Variants in FHIT observed in about 807,000 individuals in gnomAD.
FHIT encodes fragile histidine triad diadenosine triphosphatase, also known as bis(5'-adenosyl)-triphosphatase.
Under a neutral mutation model 17.9 loss-of-function variants are expected in FHIT, and 19 were observed. The ratio of observed to expected loss-of-function variants is 1.06; its 90% CI spans 0.74 to 1.56. The LOEUF is 1.56. Among genes scored for constraint, FHIT ranks in the 40% most tolerant of loss-of-function variants. The probability of loss-of-function intolerance (pLI) is 0.00; values close to 1 mark genes in which losing one functional copy is unlikely to be tolerated. For missense variants in FHIT, 248 were observed against 189.2 expected, an observed-to-expected ratio of 1.31 and a Z score of -1.82; for synonymous variants, 81 against 69.7, an observed-to-expected ratio of 1.16 and a Z score of -0.81.
chr3:60,233,286 T>G (rs74598195), intron 5 of FHIT, among the ~76,000 whole-genome samples: 2,841 of 152,296 alleles, frequency 0.019, 43 homozygotes, highest in Non-Finnish European at 0.025. Context: ...ATCCATGATT[T>G]TATCCAGTAC....
chr3:60,458,795 A>T (rs2032276447), intron 5 of FHIT, among the ~76,000 whole-genome samples: 1 of 152,050 alleles, frequency 6.6e-6, no homozygotes, highest in Admixed American at 6.6e-5. Context: ...ATTTTTAAAG[A>T]CATGGTCTCA....
chr3:60,459,338 AG>A (rs2032315751), intron 5 of FHIT, among the ~76,000 whole-genome samples: 2 of 152,242 alleles, frequency 1.3e-5, no homozygotes, highest in Admixed American at 1.3e-4. Context: ...GTATAAAGAT[AG>A]TATACACCAA....
intron 3 of FHIT, among the ~76,000 whole-genome samples, chr3:60,872,100 G>A (rs1222091233): frequency 1.3e-5 from 2 of 152,104 alleles, no homozygotes; most frequent in African/African-American, 4.8e-5. Flanking sequence ...GGAATTGCAT[G>A]TTTTGCCTGC....
chr3:60,089,944 T>TA (rs1191252809), intron 5 of FHIT, among the ~76,000 whole-genome samples: 4 of 152,164 alleles, frequency 2.6e-5, no homozygotes, highest in African/African-American at 9.7e-5. Context: ...ATATATGAAT[T>TA]AAAATGAATG....
intron 3 of FHIT, among the ~76,000 whole-genome samples, chr3:60,976,881 G>GT (rs75027281): frequency 0.039 from 5,698 of 145,524 alleles, 321 homozygotes; most frequent in African/African-American, 0.13. Flanking sequence ...CTGAATACTT[G>GT]TTTTTTTTTT....
intron 5 of FHIT, among the ~76,000 whole-genome samples, chr3:60,128,141 T>G (rs1490337710): frequency 1.3e-5 from 2 of 152,204 alleles, no homozygotes; most frequent in Non-Finnish European, 2.9e-5. Context: ...AAGATAAGTT[T>G]TACTTCAATA....
chr3:61,102,282 CA>C (rs1464984751), intron 2 of FHIT, among the ~76,000 whole-genome samples: 1 of 152,130 alleles, frequency 6.6e-6, no homozygotes, highest in South Asian at 2.1e-4. Flanking sequence ...TGAATTTTGT[CA>C]AAGACCTTTT....
chr3:60,246,227 G>C (rs1308629214), intron 5 of FHIT, among the ~76,000 whole-genome samples: 1 of 151,938 alleles, frequency 6.6e-6, no homozygotes, highest in African/African-American at 2.4e-5. Flanking sequence ...TTTTAGAACA[G>C]TTATACTAAA....
At chr3:60,498,097 A>G (rs114743070) in intron 5 of FHIT, among the ~76,000 whole-genome samples, 1,887 of 152,330 alleles carry the variant, frequency 0.012, 40 homozygotes, top group African/African-American at 0.043. Context: ...ATAAACCTTT[A>G]GTTACAGAAA....
chr3:60,757,780 C>G (rs1410685234), intron 4 of FHIT, among the ~76,000 whole-genome samples: 1 of 152,148 alleles, frequency 6.6e-6, no homozygotes, highest in Non-Finnish European at 1.5e-5. Flanking sequence ...CAGTCTTCAA[C>G]AAGGGAACAA....
intron 8 of FHIT, among the ~76,000 whole-genome samples, chr3:59,822,302 G>A (rs1353188529): frequency 1.3e-5 from 2 of 152,044 alleles, no homozygotes; most frequent in Non-Finnish European, 2.9e-5. Context: ...TTTTCCTCTG[G>A]GTAGATACCC....
intron 2 of FHIT, among the ~76,000 whole-genome samples, chr3:61,109,115 A>T (rs1397483070): frequency 6.6e-6 from 1 of 152,204 alleles, no homozygotes; most frequent in Non-Finnish European, 1.5e-5. Context: ...GGCTAAGAAG[A>T]AATGCTGTTA....
intron 2 of FHIT, among the ~76,000 whole-genome samples, chr3:61,187,332 G>T (rs1373838266): frequency 1.3e-5 from 2 of 152,138 alleles, no homozygotes; most frequent in African/African-American, 2.4e-5. Flanking sequence ...CTTTGACAAA[G>T]AAGGCCATTA....
Position 60,442,590 on chromosome 3 carries a change from T to C in FHIT, c.103+94270A>G, listed in dbSNP as rs1576661785. 2.0e-5 allele frequency among the ~76,000 whole-genome samples: 3 copies of C among 152,244 alleles called. No individual in the cohort carries two copies. In the East Asian group the frequency reaches 5.8e-4, roughly 29 times the overall value. On this transcript the variant is annotated intron_variant, in intron 5 of 9. Transcript: ENST00000492590. Reference sequence around the variant, plus strand: ...CTAAGATCAGATAGTTGTAGATGTGTGGTATTATTTCTGAGGGCTCTGTCC... The same window carrying C: ...CTAAGATCAGATAGTTGTAGATGTGCGGTATTATTTCTGAGGGCTCTGTCC...
At chr3:60,319,757 C>G (rs944973936) in intron 5 of FHIT, among the ~76,000 whole-genome samples, 1 of 152,122 alleles carries the variant, frequency 6.6e-6, no homozygotes, top group Non-Finnish European at 1.5e-5. Context: ...CTGTTTCTCC[C>G]CAGCAGTGGT....
chr3:60,134,090 C>T (rs7427130), intron 5 of FHIT, among the ~76,000 whole-genome samples: 14,989 of 151,814 alleles, frequency 0.099, 871 homozygotes, highest in African/African-American at 0.16. Context: ...AAGCATGACC[C>T]GTCCAGGAGA....
intron 5 of FHIT, among the ~76,000 whole-genome samples, chr3:60,403,795 T>C (rs1011719921): frequency 2.6e-5 from 4 of 152,192 alleles, no homozygotes; most frequent in Middle Eastern, 3.2e-3. Flanking sequence ...AGTACAAAAT[T>C]GGACAATTTC....
chr3:60,686,335 T>C (rs1467204428), intron 4 of FHIT, among the ~76,000 whole-genome samples: 1 of 152,208 alleles, frequency 6.6e-6, no homozygotes, highest in Non-Finnish European at 1.5e-5. Context: ...GGGAAGTGTG[T>C]GGGGCCACTG....
chr3:61,095,391 T>C (rs1319791367), intron 2 of FHIT, among the ~76,000 whole-genome samples: 2 of 152,162 alleles, frequency 1.3e-5, no homozygotes, highest in Non-Finnish European at 2.9e-5. Context: ...TATGGAACAA[T>C]TCTAAGCCTG....
Sources: gnomAD v4.1 joint callset for allele counts (sites outside exome capture counted in the v4.1 genomes callset) on GRCh38, gnomAD v4.1.1 for gene constraint, MANE v1.5 for transcripts, NCBI Gene and HGNC (gene_info 2026-07-23, HGNC 2026-07-21) for gene names.